Variants in URI1 observed in about 807,000 individuals in gnomAD.
The protein encoded by URI1 is URI1 prefoldin like chaperone.
URI1 carries 39 observed loss-of-function variants against 60.2 expected under a neutral mutation model. That is an observed-to-expected ratio of 0.65 (90% CI 0.50 to 0.85). URI1 has a LOEUF of 0.85. Ranked by LOEUF, URI1 falls within the 40% of genes least tolerant of loss-of-function variation. The probability of loss-of-function intolerance (pLI) is 0.00; values close to 1 mark genes in which losing one functional copy is unlikely to be tolerated. For synonymous variants in URI1, 251 were observed against 236.8 expected (o/e 1.06, Z -0.55); for missense variants, 691 against 665.9 (o/e 1.04, Z -0.42).
chr19:29,954,733 G>A (rs1204627745), intron 1 of URI1, among the ~76,000 whole-genome samples: 1 of 151,816 alleles, frequency 6.6e-6, no homozygotes, highest in Admixed American at 6.6e-5. Context: ...CGCCAGGGTG[G>A]TTTCAAACTC....
In URI1 at chr19:30,006,114, T is replaced by A. The variant is rs1256899261; in HGVS notation, c.517+406T>A. On this transcript the variant is annotated intron_variant, in intron 6 of 10. Coordinates refer to ENST00000392271, the MANE Select transcript of URI1 (RefSeq NM_003796.3). ...TGTAAGCTGTTTTTGGAAGAATGAA[T>A]GAATGTGGGTGTATTTCAGCCATTC... 3.3e-5 allele frequency among the ~76,000 whole-genome samples: 5 copies of A among 152,106 alleles called. No individual in the cohort carries two copies. The East Asian group carries it at 9.6e-4, about 29-fold the overall frequency.
At chr19:29,986,652 A>G (rs919434198) in intron 4 of URI1, among the ~76,000 whole-genome samples, 4 of 152,182 alleles carry the variant, frequency 2.6e-5, no homozygotes, top group African/African-American at 7.2e-5. Context: ...AGAAGTTACA[A>G]AGTTTCAAAG....
chr19:29,975,840 A>T (rs1056560405), intron 2 of URI1, among the ~76,000 whole-genome samples: 1 of 151,948 alleles, frequency 6.6e-6, no homozygotes, highest in African/African-American at 2.4e-5. Flanking sequence ...GCAGTTTTTT[A>T]CCAATTTCTC....
chr19:30,007,413 T>C (rs2055957033), intron 6 of URI1, 57 bp from the exon 7 acceptor site: 1 of 1,573,536 alleles, frequency 6.4e-7, no homozygotes, highest in Non-Finnish European at 8.6e-7. Flanking sequence ...TAAGTCTGGG[T>C]TTGTGCCTTT....
At chr19:29,945,568 C>A (rs1199840535) in intron 1 of URI1, among the ~76,000 whole-genome samples, 1 of 152,180 alleles carries the variant, frequency 6.6e-6, no homozygotes, top group African/African-American at 2.4e-5. Context: ...ATTTCCAAAA[C>A]AATTTATTTT....
At chr19:29,987,364 C>T (rs554437155) in intron 4 of URI1, among the ~76,000 whole-genome samples, 1 of 152,198 alleles carries the variant, frequency 6.6e-6, no homozygotes, top group South Asian at 2.1e-4. Flanking sequence ...ATTCTGGGAA[C>T]TATATTTGGA....
Position 30,015,411 on chromosome 19 carries a change from T to A in URI1, c.*342T>A. Reference sequence around the variant, plus strand: ...TAAATACAGGCAGTTTTGTGCCAGCTGTGATATTGTGCATACCATATGGAC... The same window carrying A: ...TAAATACAGGCAGTTTTGTGCCAGCAGTGATATTGTGCATACCATATGGAC... On this transcript the variant is annotated 3_prime_UTR_variant, in exon 11 of 11. Coordinates refer to ENST00000392271, the MANE Select transcript of URI1 (RefSeq NM_003796.3). The A allele has an allele frequency of 6.9e-7, 1 of 1,447,650 alleles. No individual in the cohort carries two copies. Among genetic ancestry groups the A allele is most frequent in the East Asian group, 2.5e-5 (1 of 40,034 alleles). 89.7% of individuals were successfully genotyped at this position (1,447,650 alleles called of 1,614,324 possible). A position where few individuals can be genotyped will look rare whatever the true frequency, so the allele number is the denominator to read the frequency against.
At chr19:29,987,966 G>C (rs965750378) in intron 4 of URI1, among the ~76,000 whole-genome samples, 6 of 152,038 alleles carry the variant, frequency 3.9e-5, no homozygotes, top group Non-Finnish European at 8.8e-5. Flanking sequence ...TCAGGAGTCC[G>C]AGACCAGCCC....
intron 4 of URI1, among the ~76,000 whole-genome samples, chr19:29,995,808 A>G (rs535005048): frequency 1.4e-4 from 22 of 151,756 alleles, no homozygotes; most frequent in African/African-American, 5.1e-4. Context: ...TAAGGGTCCA[A>G]CTTTATTCTT....
At chr19:30,006,770 G>A (rs2055948429) in intron 6 of URI1, among the ~76,000 whole-genome samples, 1 of 151,876 alleles carries the variant, frequency 6.6e-6, no homozygotes, top group African/African-American at 2.4e-5. Context: ...CTTTAATAAA[G>A]CAAATAAAGC....
At chr19:29,999,407 C>T (rs907457514) in intron 4 of URI1, among the ~76,000 whole-genome samples, 4 of 151,990 alleles carry the variant, frequency 2.6e-5, no homozygotes, top group African/African-American at 7.2e-5. Flanking sequence ...CTTAAATTTC[C>T]CCTCATTTTT....
At chr19:29,946,639 A>AT (rs1244657274) in intron 1 of URI1, among the ~76,000 whole-genome samples, 3 of 152,168 alleles carry the variant, frequency 2.0e-5, no homozygotes, top group Admixed American at 2.0e-4. Context: ...AATATTTTAA[A>AT]TTTTTTATAA....
In URI1 at chr19:30,009,016, C is replaced by T. The variant is rs863223392; in HGVS notation, c.698C>T (p.Thr233Ile). The change falls in exon 8 of 11, where the codon ACT becomes ATT. Residue 233 changes from threonine to isoleucine, a missense_variant. Coordinates refer to ENST00000392271, the MANE Select transcript of URI1 (RefSeq NM_003796.3). ...TTCTTCCTTGCTAGTAAGCCTGATA[C>T]TGTGATTGCAAATGGAGAAGATACG... Reference protein sequence around the residue: ...LLGELDSKPDTVIANGEDTTS... With the variant: ...LLGELDSKPDIVIANGEDTTS... 4.4e-6 allele frequency: 7 copies of T among 1,608,454 alleles called. No homozygotes were observed. The highest frequency in any genetic ancestry group is 6.0e-6 in the Non-Finnish European group (7 of 1,176,408).
chr19:29,947,225 C>A (rs1181391098), intron 1 of URI1, among the ~76,000 whole-genome samples: 1 of 152,148 alleles, frequency 6.6e-6, no homozygotes, highest in Non-Finnish European at 1.5e-5. Flanking sequence ...TGAGGCTGAT[C>A]TTAAATTATA....
intron 4 of URI1, among the ~76,000 whole-genome samples, chr19:30,003,376 A>G (rs958524221): frequency 1.3e-5 from 2 of 152,068 alleles, no homozygotes; most frequent in African/African-American, 4.8e-5. Flanking sequence ...TATAATGTGT[A>G]TGTGACGGTG....
chr19:29,980,588 A>AGAGT (rs2055580799), intron 2 of URI1, among the ~76,000 whole-genome samples: 1 of 137,804 alleles, frequency 7.3e-6, no homozygotes, highest in Admixed American at 7.8e-5. Context: ...AGAGGAAAAG[A>AGAGT]GAGTGATAGA....
chr19:29,926,415 G>T (rs1397602538), intron 1 of URI1, among the ~76,000 whole-genome samples: 2 of 152,040 alleles, frequency 1.3e-5, no homozygotes, highest in Non-Finnish European at 2.9e-5. Context: ...GAGTAGCCAG[G>T]ACTACAGGAA....
chr19:29,944,960 A>G (rs2055084983), intron 1 of URI1, among the ~76,000 whole-genome samples: 1 of 152,216 alleles, frequency 6.6e-6, no homozygotes, highest in Admixed American at 6.5e-5. Flanking sequence ...GTGGGAGTAC[A>G]GTGAGTTCTA....
At chr19:29,972,890 T>C (rs2055476531) in intron 2 of URI1, among the ~76,000 whole-genome samples, 1 of 152,152 alleles carries the variant, frequency 6.6e-6, no homozygotes, top group African/African-American at 2.4e-5. Flanking sequence ...CCTACACATA[T>C]CTTGAAGTAA....
Sources: gnomAD v4.1 joint callset for allele counts (sites outside exome capture counted in the v4.1 genomes callset) on GRCh38, gnomAD v4.1.1 for gene constraint, MANE v1.5 for transcripts, NCBI Gene and HGNC (gene_info 2026-07-23, HGNC 2026-07-21) for gene names.